The following SLC22A24 variants were observed in gnomAD, a reference collection of about 807,000 sequenced individuals.
The protein encoded by SLC22A24 is solute carrier family 22 member 24, also known as steroid transmembrane transporter SLC22A24.
A neutral mutation model predicts 49.8 loss-of-function variants in SLC22A24; 53 were observed. That is an observed-to-expected ratio of 1.06 (90% CI 0.85 to 1.34). SLC22A24 has a LOEUF of 1.34. SLC22A24 is among the 40% of genes most tolerant of loss of function. The pLI is 0.00. For synonymous variants in SLC22A24, 302 were observed against 256.4 expected, an observed-to-expected ratio of 1.18 and a Z score of -1.70; for missense variants, 786 against 675.9, an observed-to-expected ratio of 1.16 and a Z score of -1.81.
rs370751523 is a variant in SLC22A24 at position 63,090,702 on chromosome 11, T to TA, written c.1070+5288dup. ...ATAAATAAATAAATAATAGCTATCTTAAAAAAAAAAGAAGTTATTTGAAAC... is the reference window on the plus strand; with the variant it reads ...ATAAATAAATAAATAATAGCTATCTTAAAAAAAAAAAGAAGTTATTTGAAAC... On this transcript the variant is annotated intron_variant, in intron 6 of 9. Coordinates refer to ENST00000612278, the MANE Select transcript of SLC22A24 (RefSeq NM_001136506.2). Among the ~76,000 whole-genome samples the TA allele has an allele frequency of 8.0e-3, 1,145 of 143,222 alleles. 14 individuals are homozygous for TA. Among genetic ancestry groups the TA allele is most frequent in the African/African-American group, 0.026 (1,028 of 38,806 alleles). 94.0% of individuals were successfully genotyped at this position (143,222 alleles called of 152,430 possible).
At chr11:63,136,257 C>A (rs1489648653) in intron 1 of SLC22A24, among the ~76,000 whole-genome samples, 1 of 152,176 alleles carries the variant, frequency 6.6e-6, no homozygotes, top group Non-Finnish European at 1.5e-5. Context: ...AAAAAAAGGT[C>A]ATGGTCACTG....
intron 5 of SLC22A24, among the ~76,000 whole-genome samples, chr11:63,096,720 A>G (rs1225095911): frequency 1.3e-5 from 2 of 152,182 alleles, no homozygotes; most frequent in African/African-American, 2.4e-5. Flanking sequence ...GAAGGCAAGG[A>G]AAAAAGTTGG....
At chr11:63,114,989 A>G (rs1047695883) in intron 4 of SLC22A24, among the ~76,000 whole-genome samples, 5 of 152,182 alleles carry the variant, frequency 3.3e-5, no homozygotes, top group Non-Finnish European at 7.4e-5. Context: ...CCCTACTGGG[A>G]GGTGTCTCCC....
At chr11:63,137,027 G>T (rs570328326) in intron 1 of SLC22A24, among the ~76,000 whole-genome samples, 2 of 152,128 alleles carry the variant, frequency 1.3e-5, no homozygotes, top group Non-Finnish European at 2.9e-5. Context: ...TCCTTCTCTC[G>T]ATGGATTCTG....
Position 63,081,199 on chromosome 11 carries a change from T to C in SLC22A24, c.1395-76A>G, listed in dbSNP as rs1034802456. The C allele has an allele frequency of 2.9e-5, 36 of 1,250,640 alleles. 1 individual carries two copies. The Admixed American group carries it at 3.1e-4, about 11-fold the overall frequency. 77.5% of individuals were successfully genotyped at this position (1,250,640 alleles called of 1,614,324 possible). On this transcript the variant is annotated intron_variant, in intron 8 of 9. Transcript: ENST00000612278. Reference sequence around the variant, plus strand: ...CAGCTCTTTATCATCATTATTTCTTTATGGGGACCAGTACAACAGAGTTAC... The same window carrying C: ...CAGCTCTTTATCATCATTATTTCTTCATGGGGACCAGTACAACAGAGTTAC...
At chr11:63,143,155 G>A (rs1051232944) in intron 1 of SLC22A24, among the ~76,000 whole-genome samples, 6 of 152,098 alleles carry the variant, frequency 3.9e-5, no homozygotes, top group African/African-American at 1.4e-4. Flanking sequence ...AAAATTCATG[G>A]TCTAATACCA....
rs2087435233 is a variant in SLC22A24 at position 63,143,961 on chromosome 11, T to C, written c.-182A>G. 2.3e-6 allele frequency: 1 copy of C among 427,794 alleles called. No homozygotes were observed. Among genetic ancestry groups the C allele is most frequent in the Non-Finnish European group, 3.9e-6 (1 of 254,580 alleles). The allele number at this position is 427,794 out of a possible 1,614,324, so 26.5% of individuals were successfully genotyped here. On this transcript the variant is annotated 5_prime_UTR_variant, in exon 1 of 10. Coordinates refer to ENST00000612278, the MANE Select transcript of SLC22A24 (RefSeq NM_001136506.2). The stretch of plus-strand genomic sequence containing the variant: ...TACTGCAGAAGAGCAGTGGAAGGAC[T>C]TTCCCCAAGTCCTTTAACTTTAGGC...
At chr11:63,103,049 G>C (rs1565327929) in intron 5 of SLC22A24, among the ~76,000 whole-genome samples, 2 of 152,080 alleles carry the variant, frequency 1.3e-5, no homozygotes, top group Admixed American at 1.3e-4. Context: ...TTGAAATTCT[G>C]GACTTTGAGC....
At chr11:63,137,216 G>A (rs2087381713) in intron 1 of SLC22A24, among the ~76,000 whole-genome samples, 1 of 152,196 alleles carries the variant, frequency 6.6e-6, no homozygotes, top group Admixed American at 6.5e-5. Flanking sequence ...CCTTAATCAG[G>A]AAGATTTCAA....
intron 2 of SLC22A24, among the ~76,000 whole-genome samples, chr11:63,120,936 A>G (rs1339290879): frequency 2.0e-5 from 3 of 152,184 alleles, no homozygotes; most frequent in African/African-American, 7.2e-5. Flanking sequence ...TAGAAACACA[A>G]TAAGTACAAT....
chr11:63,101,304 C>G (rs2087089276), intron 5 of SLC22A24, among the ~76,000 whole-genome samples: 1 of 151,616 alleles, frequency 6.6e-6, no homozygotes, highest in Admixed American at 6.6e-5. Context: ...AATGTTACTA[C>G]TTGTTTTTTT....
chr11:63,123,197 A>G (rs2087264226), intron 2 of SLC22A24, among the ~76,000 whole-genome samples: 1 of 152,184 alleles, frequency 6.6e-6, no homozygotes, highest in African/African-American at 2.4e-5. Context: ...ACAGTTGTAT[A>G]CTACAGTGCA....
intron 2 of SLC22A24, among the ~76,000 whole-genome samples, chr11:63,123,434 T>C (rs1342255208): frequency 6.6e-6 from 1 of 152,128 alleles, no homozygotes; most frequent in Non-Finnish European, 1.5e-5. Context: ...TCCACTTTCA[T>C]AACTATGAAA....
At chr11:63,099,755 G>T (rs1437998845) in intron 5 of SLC22A24, among the ~76,000 whole-genome samples, 1 of 152,078 alleles carries the variant, frequency 6.6e-6, no homozygotes, top group South Asian at 2.1e-4. Context: ...GACCAGGAAT[G>T]CAAGGATGGT....
intron 7 of SLC22A24, among the ~76,000 whole-genome samples, chr11:63,082,714 G>A (rs1211758790): frequency 3.3e-5 from 5 of 152,192 alleles, no homozygotes; most frequent in Non-Finnish European, 5.9e-5. Context: ...TTTTATTTCA[G>A]CAAAGTCAAG....
chr11:63,134,816 C>T (rs1305195202), intron 1 of SLC22A24, 48 bp from the exon 2 acceptor site: 20 of 1,345,934 alleles, frequency 1.5e-5, no homozygotes, highest in Non-Finnish European at 1.9e-5. Context: ...AGAGTTTCAA[C>T]TCTTTAGTAG....
At chr11:63,125,021 T>G (rs1487603261) in intron 2 of SLC22A24, among the ~76,000 whole-genome samples, 1 of 151,422 alleles carries the variant, frequency 6.6e-6, no homozygotes, top group Non-Finnish European at 1.5e-5. Flanking sequence ...AGTTAATGGG[T>G]GCAGCACACC....
At chr11:63,135,550 T>C (rs2087367896) in intron 1 of SLC22A24, among the ~76,000 whole-genome samples, 1 of 152,260 alleles carries the variant, frequency 6.6e-6, no homozygotes, top group Non-Finnish European at 1.5e-5. Context: ...ATTGTGGTTT[T>C]TGCATTGTTG....
At chr11:63,114,120 G>A (rs1445720045) in intron 4 of SLC22A24, among the ~76,000 whole-genome samples, 1 of 152,024 alleles carries the variant, frequency 6.6e-6, no homozygotes, top group African/African-American at 2.4e-5. Flanking sequence ...TCCTTTCTGG[G>A]TTGGGGAAAT....
Sources: gnomAD v4.1 joint callset for allele counts (sites outside exome capture counted in the v4.1 genomes callset) on GRCh38, gnomAD v4.1.1 for gene constraint, MANE v1.5 for transcripts, NCBI Gene and HGNC (gene_info 2026-07-23, HGNC 2026-07-21) for gene names.